DRC1: variants seen among roughly 807,000 people sequenced by gnomAD.
DRC1 encodes dynein regulatory complex protein 1.
In DRC1, 74 loss-of-function variants were observed where a neutral mutation model predicts 98.7. The observed-to-expected ratio is 0.75, with a 90% CI of 0.62 to 0.91. The LOEUF (loss-of-function observed/expected upper bound fraction) is 0.91. Ranked by LOEUF, DRC1 falls within the 40% of genes least tolerant of loss-of-function variation. The pLI, the probability that DRC1 is intolerant of heterozygous loss-of-function variation, is 0.00. For missense variants in DRC1, 875 were observed against 886.0 expected, an observed-to-expected ratio of 0.99 and a Z score of 0.16; for synonymous variants, 336 against 334.1, an observed-to-expected ratio of 1.01 and a Z score of -0.06.
Position 26,456,658 on chromosome 2 carries a change from G to A in DRC1, c.*141G>A. Reference sequence around the variant, plus strand: ...CTGTCTTTATAGCCTGTCGAAATAAGGAGCCAGAGGAGTTACCTGTGTCCT... The same window carrying A: ...CTGTCTTTATAGCCTGTCGAAATAAAGAGCCAGAGGAGTTACCTGTGTCCT... On this transcript the variant is annotated 3_prime_UTR_variant, in exon 17 of 17. Transcript: ENST00000288710. 1.1e-6 allele frequency: 1 copy of A among 875,506 alleles called. No individual in the cohort carries two copies. The highest frequency in any genetic ancestry group is 1.8e-6 in the Non-Finnish European group (1 of 561,806). The allele number at this position is 875,506 out of a possible 1,614,324, so 54.2% of individuals were successfully genotyped here.
intron 1 of DRC1, among the ~76,000 whole-genome samples, chr2:26,406,351 T>G (rs1678426895): frequency 6.6e-6 from 1 of 152,234 alleles, no homozygotes; most frequent in Admixed American, 6.5e-5. Flanking sequence ...CTGCTGTTGC[T>G]GCCTGGGCCT....
At chr2:26,403,344 A>G (rs920415557) in intron 1 of DRC1, among the ~76,000 whole-genome samples, 2 of 152,156 alleles carry the variant, frequency 1.3e-5, no homozygotes, top group Admixed American at 1.3e-4. Flanking sequence ...ATGGGTTTGG[A>G]TAAATTTATG....
chr2:26,410,827 C>CAACAA (rs149560827), intron 1 of DRC1, among the ~76,000 whole-genome samples: 15,834 of 151,672 alleles, frequency 0.1, 1,860 homozygotes, highest in African/African-American at 0.29. Context: ...AAACAAAACA[C>CAACAA]AACAAAACAA....
At chr2:26,436,990 C>A (rs1663590382) in intron 7 of DRC1, among the ~76,000 whole-genome samples, 1 of 152,160 alleles carries the variant, frequency 6.6e-6, no homozygotes, top group African/African-American at 2.4e-5. Flanking sequence ...CCATATGGAG[C>A]TTTTCTATTG....
At chr2:26,439,480 A>G (rs931905018) in intron 7 of DRC1, among the ~76,000 whole-genome samples, 2 of 152,206 alleles carry the variant, frequency 1.3e-5, no homozygotes, top group African/African-American at 4.8e-5. Context: ...TTAGGCACAC[A>G]ATAAATAGTT....
In DRC1 at chr2:26,417,102, T is replaced by G. The variant is rs191241594; in HGVS notation, c.243+2671T>G. Among the ~76,000 whole-genome samples the G allele has an allele frequency of 1.5e-3, 222 of 152,164 alleles. 1 individual carries two copies. Among genetic ancestry groups the G allele is most frequent in the African/African-American group, 5.1e-3 (213 of 41,508 alleles). On this transcript the variant is annotated intron_variant, in intron 2 of 16. Coordinates refer to ENST00000288710, the MANE Select transcript of DRC1 (RefSeq NM_145038.5). ...CTAAACTATGAGGAATCCACCCCCA[T>G]GATCCAATCATTTCCCACCAGGCTC...
chr2:26,439,772 A>C (rs953037569), intron 7 of DRC1, among the ~76,000 whole-genome samples: 1 of 151,296 alleles, frequency 6.6e-6, no homozygotes, highest in South Asian at 2.1e-4. Context: ...CTTATAGTTC[A>C]TTGACTTGTA....
At position 26,440,389 on chromosome 2, in the gene DRC1, G is replaced by C. The variant is rs373874150; in HGVS notation, c.900G>C (p.Gln300His). Residue 300 changes from glutamine to histidine, a missense_variant, in exon 8 of 17, where the codon CAG (glutamine) becomes CAC (histidine). Coordinates refer to ENST00000288710, the MANE Select transcript of DRC1 (RefSeq NM_145038.5). Reference protein sequence around the residue: ...KLEQDVQILEQQLQQRKAIYQ... With the variant: ...KLEQDVQILEHQLQQRKAIYQ... Reference sequence around the variant, plus strand: ...TTTTTTAACTTTAGATTCTTGAGCAGCAGCTTCAGCAGAGGAAAGCAATTT... The same window carrying C: ...TTTTTTAACTTTAGATTCTTGAGCACCAGCTTCAGCAGAGGAAAGCAATTT... 2.5e-6 allele frequency: 4 copies of C among 1,608,792 alleles called. No individual in the cohort carries two copies. In the African/African-American group the frequency reaches 5.4e-5, roughly 22 times the overall value.
intron 1 of DRC1, among the ~76,000 whole-genome samples, chr2:26,413,019 C>A (rs150408706): frequency 6.6e-6 from 1 of 152,150 alleles, no homozygotes; most frequent in Non-Finnish European, 1.5e-5. Context: ...CCTGACCTCG[C>A]GATCCACCCG....
intron 14 of DRC1, 109 bp downstream of exon 14, chr2:26,453,658 C>A: frequency 1.7e-6 from 2 of 1,144,936 alleles, no homozygotes; most frequent in Non-Finnish European, 2.5e-6. Flanking sequence ...GGGCAAGATG[C>A]GGGGACTAAG....
At chr2:26,423,919 T>C (rs1252942157) in intron 3 of DRC1, among the ~76,000 whole-genome samples, 1 of 152,244 alleles carries the variant, frequency 6.6e-6, no homozygotes, top group Non-Finnish European at 1.5e-5. Flanking sequence ...ATAAGCTCTG[T>C]GACTCCAGAG....
intron 2 of DRC1, among the ~76,000 whole-genome samples, chr2:26,416,122 A>G (rs1056070524): frequency 6.6e-5 from 10 of 152,308 alleles, no homozygotes; most frequent in Non-Finnish European, 1.3e-4. Context: ...GGAATTAAGT[A>G]GTGAAGAGCC....
intron 2 of DRC1, among the ~76,000 whole-genome samples, chr2:26,420,217 C>T (rs1182606675): frequency 1.3e-5 from 2 of 152,096 alleles, no homozygotes; most frequent in Non-Finnish European, 2.9e-5. Context: ...AAGTGGCACA[C>T]ATTACTTCTC....
intron 2 of DRC1, among the ~76,000 whole-genome samples, chr2:26,419,261 C>T (rs1489427520): frequency 1.3e-5 from 2 of 152,142 alleles, no homozygotes; most frequent in Non-Finnish European, 2.9e-5. Flanking sequence ...TGTGGACCTC[C>T]ATTTAAATGC....
At chr2:26,442,811 G>A (rs1663751211) in intron 8 of DRC1, among the ~76,000 whole-genome samples, 1 of 152,106 alleles carries the variant, frequency 6.6e-6, no homozygotes, top group Non-Finnish European at 1.5e-5. Flanking sequence ...CAGGCACTAA[G>A]AACTCTGGAC....
chr2:26,409,319 C>G (rs1678524360), intron 1 of DRC1, among the ~76,000 whole-genome samples: 1 of 152,190 alleles, frequency 6.6e-6, no homozygotes, highest in Non-Finnish European at 1.5e-5. Flanking sequence ...ATATTACAAG[C>G]TTCCAAATGG....
At chr2:26,403,816 T>C (rs1406740893) in intron 1 of DRC1, among the ~76,000 whole-genome samples, 3 of 102,892 alleles carry the variant, frequency 2.9e-5, no homozygotes, top group African/African-American at 1.1e-4. Flanking sequence ...AAAAAAAAAA[T>C]TGGGCCGGGC....
chr2:26,402,108 G>C lies in DRC1; in HGVS notation c.119G>C (p.Arg40Pro). The stretch of plus-strand genomic sequence containing the variant: ...TCTCAGGAGCGCATCCAGGCCCGGC[G>C]CCTCCGCATCGCTGCGCGCTTAGAA... ...DNSQERIQAR[R>P]LRIAARLEAR... is the part of the protein sequence containing the mutation. The change falls in exon 1 of 17, where the codon CGC becomes CCC. Residue 40 changes from arginine (R) to proline (P), a missense_variant. Transcript: ENST00000288710. 4 of 1,611,894 alleles carry C rather than the reference G, an allele frequency of 2.5e-6. No homozygotes were observed. The highest frequency in any genetic ancestry group is 3.4e-6 in the Non-Finnish European group (4 of 1,179,384).
At chr2:26,430,569 C>A (rs757888195) in intron 5 of DRC1, 11 of 634,470 alleles carry the variant, frequency 1.7e-5, no homozygotes, top group Non-Finnish European at 3.0e-5. Flanking sequence ...GGCACATCTC[C>A]TCTCCGCATT....
Sources: allele counts gnomAD v4.1 joint callset (sites outside exome capture counted in the v4.1 genomes callset), GRCh38; gene constraint gnomAD v4.1.1; transcripts MANE v1.5; gene names NCBI Gene and HGNC (gene_info 2026-07-23, HGNC 2026-07-21).